SMAP1: variants seen among roughly 807,000 people sequenced by gnomAD.
SMAP1 encodes small ArfGAP 1.
SMAP1 carries 24 observed loss-of-function variants against 58.5 expected under a neutral mutation model. That is an observed-to-expected ratio of 0.41 (90% CI 0.30 to 0.58). The LOEUF (loss-of-function observed/expected upper bound fraction) is 0.58. SMAP1 is among the 20% of genes least tolerant of loss of function. The pLI, the probability that SMAP1 is intolerant of heterozygous loss-of-function variation, is 0.29. For synonymous variants in SMAP1, 216 were observed against 196.6 expected (o/e 1.10, Z -0.82); for missense variants, 563 against 566.3 (o/e 0.99, Z 0.06).
At chr6:70,821,268 TC>T (rs757078376) in intron 6 of SMAP1, among the ~76,000 whole-genome samples, 1 of 152,346 alleles carries the variant, frequency 6.6e-6, no homozygotes, top group Non-Finnish European at 1.5e-5. Context: ...TCTGTGAGAT[TC>T]ATTTATGTCA....
At chr6:70,682,033 A>G (rs909246917) in intron 1 of SMAP1, among the ~76,000 whole-genome samples, 2 of 152,162 alleles carry the variant, frequency 1.3e-5, no homozygotes, top group African/African-American at 2.4e-5. Context: ...GAGAAAAAAG[A>G]TCAGGAAGAA....
At chr6:70,719,112 A>G (rs1768404623) in intron 1 of SMAP1, among the ~76,000 whole-genome samples, 1 of 152,212 alleles carries the variant, frequency 6.6e-6, no homozygotes, top group Admixed American at 6.5e-5. Context: ...AGGTGAAATT[A>G]GCAAGGAAAA....
At chr6:70,783,991 A>G (rs997524582) in intron 4 of SMAP1, among the ~76,000 whole-genome samples, 12 of 152,260 alleles carry the variant, frequency 7.9e-5, no homozygotes, top group African/African-American at 2.4e-4. Flanking sequence ...ACTCCAAGAC[A>G]CATAATTGTC....
At chr6:70,800,689 C>T (rs963961246) in intron 6 of SMAP1, among the ~76,000 whole-genome samples, 10 of 151,052 alleles carry the variant, frequency 6.6e-5, no homozygotes, top group African/African-American at 2.2e-4. Context: ...CTGACAGGCC[C>T]TGGTGTGTGA....
chr6:70,754,890 G>T (rs1033535254), intron 2 of SMAP1, 90 bp from the exon 3 acceptor site: 23 of 619,428 alleles, frequency 3.7e-5, no homozygotes, highest in Non-Finnish European at 6.3e-5. Context: ...AAATTATTTG[G>T]TATTTGTGTA....
At chr6:70,703,491 T>C (rs1409206177) in intron 1 of SMAP1, among the ~76,000 whole-genome samples, 1 of 152,208 alleles carries the variant, frequency 6.6e-6, no homozygotes, top group East Asian at 1.9e-4. Flanking sequence ...GGAAATAGCC[T>C]GACTTTTTCA....
At chr6:70,784,676 C>T (rs1425787780) in intron 4 of SMAP1, among the ~76,000 whole-genome samples, 3 of 152,076 alleles carry the variant, frequency 2.0e-5, no homozygotes, top group Admixed American at 6.6e-5. Flanking sequence ...AAACAGACTT[C>T]AAACCAACAA....
intron 1 of SMAP1, among the ~76,000 whole-genome samples, chr6:70,680,907 C>T (rs1232905995): frequency 6.6e-6 from 1 of 151,454 alleles, no homozygotes; most frequent in Non-Finnish European, 1.5e-5. Flanking sequence ...TTAGCAGAGG[C>T]GGGGTTTTGC....
At chr6:70,693,735 G>A (rs1767282696) in intron 1 of SMAP1, 3 of 152,520 alleles carry the variant, frequency 2.0e-5, no homozygotes, top group South Asian at 4.1e-4. Context: ...TTGGAAAATG[G>A]CATTGGGGGA....
chr6:70,810,132 G>C (rs1300146178), intron 6 of SMAP1, among the ~76,000 whole-genome samples: 1 of 152,160 alleles, frequency 6.6e-6, no homozygotes, highest in Admixed American at 6.5e-5. Context: ...CTTTAACCAA[G>C]AAATTGGTAA....
At chr6:70,745,867 G>GTCT (rs1446691384) in intron 2 of SMAP1, among the ~76,000 whole-genome samples, 3 of 151,954 alleles carry the variant, frequency 2.0e-5, no homozygotes, top group Non-Finnish European at 1.5e-5. Context: ...TGGTTTGTAG[G>GTCT]TCTCCATGAA....
intron 10 of SMAP1, chr6:70,859,456 G>T: frequency 1.6e-6 from 2 of 1,264,946 alleles, no homozygotes; most frequent in South Asian, 2.8e-5. Context: ...ACTTATGCCT[G>T]ATTAGTGATG....
intron 4 of SMAP1, among the ~76,000 whole-genome samples, chr6:70,779,200 G>A (rs1237631261): frequency 6.6e-6 from 1 of 152,216 alleles, no homozygotes; most frequent in Admixed American, 6.5e-5. Context: ...GGCTTCTGCA[G>A]GACTCAGGTG....
At chr6:70,798,431 G>T (rs766625384) in intron 5 of SMAP1, among the ~76,000 whole-genome samples, 1 of 151,878 alleles carries the variant, frequency 6.6e-6, no homozygotes, top group East Asian at 1.9e-4. Context: ...TTGTCTTACC[G>T]CTGTGCCTCT....
chr6:70,813,439 T>C (rs1369799880), intron 6 of SMAP1, among the ~76,000 whole-genome samples: 3 of 152,174 alleles, frequency 2.0e-5, no homozygotes, highest in Non-Finnish European at 4.4e-5. Flanking sequence ...TGAATAAATA[T>C]AATTCTGTTA....
intron 1 of SMAP1, among the ~76,000 whole-genome samples, chr6:70,702,620 TTTCTTCTTCTTC>T (rs558995384): frequency 2.0e-5 from 3 of 151,888 alleles, no homozygotes; most frequent in African/African-American, 7.3e-5. Flanking sequence ...TCAGCCTTTC[TTTCTTCTTCTTC>T]TTCTTCTTCT....
At chr6:70,746,800 C>T (rs560736472) in intron 2 of SMAP1, among the ~76,000 whole-genome samples, 1 of 152,132 alleles carries the variant, frequency 6.6e-6, no homozygotes, top group African/African-American at 2.4e-5. Flanking sequence ...TCCATCTGGT[C>T]CTGGATTTTT....
At chr6:70,788,244 G>T (rs910735297) in intron 4 of SMAP1, among the ~76,000 whole-genome samples, 8 of 139,618 alleles carry the variant, frequency 5.7e-5, no homozygotes, top group African/African-American at 2.2e-4. Context: ...GGTGGGAATT[G>T]AACGATGAGA....
intron 6 of SMAP1, among the ~76,000 whole-genome samples, chr6:70,815,128 C>T (rs941437299): frequency 2.0e-5 from 3 of 152,120 alleles, no homozygotes; most frequent in Admixed American, 2.0e-4. Context: ...GTAAGTGGTA[C>T]TATGCTGATT....
Sources: allele counts gnomAD v4.1 joint callset (sites outside exome capture counted in the v4.1 genomes callset), GRCh38; gene constraint gnomAD v4.1.1; transcripts MANE v1.5; gene names NCBI Gene and HGNC (gene_info 2026-07-23, HGNC 2026-07-21).